TBC1D22B: variants seen among roughly 807,000 people sequenced by gnomAD.
TBC1D22B encodes the protein chromosome 6 open reading frame 197.
A neutral mutation model predicts 69.1 loss-of-function variants in TBC1D22B; 32 were observed. That is an observed-to-expected ratio of 0.46 (90% CI 0.35 to 0.62). TBC1D22B has a LOEUF of 0.62. TBC1D22B is among the 20% of genes least tolerant of loss of function. The probability of loss-of-function intolerance (pLI) is 0.00; values close to 1 mark genes in which losing one functional copy is unlikely to be tolerated. For missense variants in TBC1D22B, 462 were observed against 630.9 expected, an observed-to-expected ratio of 0.73 and a Z score of 2.87; for synonymous variants, 206 against 229.8, an observed-to-expected ratio of 0.90 and a Z score of 0.94.
intron 8 of TBC1D22B, among the ~76,000 whole-genome samples, chr6:37,309,182 C>T (rs1767827600): frequency 6.6e-6 from 1 of 152,110 alleles, no homozygotes; most frequent in Non-Finnish European, 1.5e-5. Flanking sequence ...GAAAGTAAAG[C>T]CATTTGTGCA....
intron 12 of TBC1D22B, among the ~76,000 whole-genome samples, chr6:37,323,868 G>C (rs1019122782): frequency 6.6e-6 from 1 of 152,156 alleles, no homozygotes; most frequent in Non-Finnish European, 1.5e-5. Context: ...GAAAGGGCAC[G>C]GTTCCTAGAC....
intron 1 of TBC1D22B, 74 bp downstream of exon 1, chr6:37,258,047 G>C: frequency 1.3e-6 from 2 of 1,528,878 alleles, no homozygotes; most frequent in Non-Finnish European, 1.8e-6. Flanking sequence ...AATCCCGCGG[G>C]CCTGGGGCGC....
chr6:37,265,742 G>T (rs1246208889), intron 1 of TBC1D22B, among the ~76,000 whole-genome samples: 4 of 152,130 alleles, frequency 2.6e-5, no homozygotes, highest in Admixed American at 2.6e-4. Context: ...TTCCAGAGAG[G>T]TTTAGGGAGT....
intron 12 of TBC1D22B, among the ~76,000 whole-genome samples, chr6:37,324,567 T>G (rs1768339766): frequency 6.6e-6 from 1 of 152,190 alleles, no homozygotes; most frequent in South Asian, 2.1e-4. Context: ...AACATATGCT[T>G]TGGATCGCTT....
At chr6:37,304,025 A>G (rs905240736) in intron 8 of TBC1D22B, among the ~76,000 whole-genome samples, 5 of 152,242 alleles carry the variant, frequency 3.3e-5, no homozygotes, top group African/African-American at 9.6e-5. Flanking sequence ...ACATGTCCAG[A>G]TGAATGAGAG....
chr6:37,312,799 C>T, intron 8 of TBC1D22B, 119 bp from the exon 9 acceptor site: 1 of 743,114 alleles, frequency 1.3e-6, no homozygotes, highest in Non-Finnish European at 2.3e-6. Flanking sequence ...TGTTTCTTAA[C>T]ATCAGGTTAG....
chr6:37,325,923 G>A (rs1180134354), intron 12 of TBC1D22B, among the ~76,000 whole-genome samples: 1 of 152,166 alleles, frequency 6.6e-6, no homozygotes, highest in Non-Finnish European at 1.5e-5. Flanking sequence ...TGCAGTTTTA[G>A]GCATAGCCAC....
chr6:37,269,764 A>G, intron 2 of TBC1D22B, 114 bp downstream of exon 2: 8 of 963,656 alleles, frequency 8.3e-6, no homozygotes, highest in Non-Finnish European at 1.2e-5. Context: ...CTTCTGCCCT[A>G]TTTTGGACCA....
chr6:37,319,521 A>G (rs1768177285), intron 12 of TBC1D22B, among the ~76,000 whole-genome samples: 1 of 152,206 alleles, frequency 6.6e-6, no homozygotes, highest in Non-Finnish European at 1.5e-5. Context: ...AGCTATGTTA[A>G]TCCTAGAGAT....
In TBC1D22B at chr6:37,257,895, A is replaced by G; in HGVS notation, c.-23A>G. On this transcript the variant is annotated 5_prime_UTR_variant, in exon 1 of 13. Transcript: ENST00000373491. ...CCGGGCAAACCCTTGGCCCGCCTACAAGGACTTCCCCCGGCCAGAGCAATG... is the reference window on the plus strand; with the variant it reads ...CCGGGCAAACCCTTGGCCCGCCTACGAGGACTTCCCCCGGCCAGAGCAATG... The G allele has an allele frequency of 1.9e-6, 3 of 1,612,724 alleles. No homozygotes were observed. The highest frequency in any genetic ancestry group is 2.5e-6 in the Non-Finnish European group (3 of 1,179,496).
intron 12 of TBC1D22B, among the ~76,000 whole-genome samples, chr6:37,328,699 T>G (rs1768498251): frequency 6.6e-6 from 1 of 152,178 alleles, no homozygotes; most frequent in Non-Finnish European, 1.5e-5. Flanking sequence ...GATCGTGAAG[T>G]TATGGGTAAT....
intron 1 of TBC1D22B, among the ~76,000 whole-genome samples, chr6:37,265,321 C>G (rs910309120): frequency 6.6e-6 from 1 of 152,202 alleles, no homozygotes; most frequent in African/African-American, 2.4e-5. Flanking sequence ...TTTTCTTCTG[C>G]ATGGGTTACT....
intron 12 of TBC1D22B, among the ~76,000 whole-genome samples, chr6:37,321,280 C>T (rs1721503917): frequency 6.6e-6 from 1 of 151,920 alleles, no homozygotes; most frequent in Non-Finnish European, 1.5e-5. Flanking sequence ...AACCACTGTG[C>T]TTTGCTGCCT....
At chr6:37,325,480 G>A (rs533828080) in intron 12 of TBC1D22B, among the ~76,000 whole-genome samples, 2 of 149,754 alleles carry the variant, frequency 1.3e-5, no homozygotes, top group South Asian at 4.2e-4. Flanking sequence ...TCTGCCCCTA[G>A]ATAAAAGCTC....
intron 10 of TBC1D22B, among the ~76,000 whole-genome samples, chr6:37,315,161 C>G (rs1768039609): frequency 6.6e-6 from 1 of 152,156 alleles, no homozygotes; most frequent in African/African-American, 2.4e-5. Flanking sequence ...CTTATTTTTT[C>G]CGCCCTTACA....
At chr6:37,315,330 G>T (rs542965588) in intron 10 of TBC1D22B, among the ~76,000 whole-genome samples, 6 of 152,238 alleles carry the variant, frequency 3.9e-5, no homozygotes, top group African/African-American at 1.4e-4. Flanking sequence ...GCCGAGGCAG[G>T]AGGATCACTT....
At chr6:37,284,160 T>C (rs1015481448) in intron 5 of TBC1D22B, among the ~76,000 whole-genome samples, 176 bp from the exon 6 acceptor site, 1 of 152,166 alleles carries the variant, frequency 6.6e-6, no homozygotes, top group Admixed American at 6.5e-5. Flanking sequence ...TCTGCTCACA[T>C]GTGGATCTCA....
intron 12 of TBC1D22B, among the ~76,000 whole-genome samples, chr6:37,329,027 C>G (rs370307754): frequency 7.2e-6 from 1 of 139,274 alleles, no homozygotes; most frequent in South Asian, 2.6e-4. Flanking sequence ...GCGCCCAGCC[C>G]AGAGTAGTTA....
intron 12 of TBC1D22B, among the ~76,000 whole-genome samples, chr6:37,320,260 A>G (rs149716): frequency 0.85 from 128,702 of 152,072 alleles, 54,639 homozygotes; most frequent in South Asian, 0.91. Flanking sequence ...CTTTGGAGCC[A>G]GACTGCCTGG....
Sources: allele counts gnomAD v4.1 joint callset (sites outside exome capture counted in the v4.1 genomes callset), GRCh38; gene constraint gnomAD v4.1.1; transcripts MANE v1.5; gene names NCBI Gene and HGNC (gene_info 2026-07-23, HGNC 2026-07-21).